The following GATA6 variants were observed in gnomAD, a reference collection of about 807,000 sequenced individuals.
The protein encoded by GATA6 is transcription factor GATA-6.
In GATA6, 11 loss-of-function variants were observed where a neutral mutation model predicts 48.1. That is an observed-to-expected ratio of 0.23 (90% CI 0.14 to 0.38). The LOEUF is 0.38. GATA6 is among the 10% of genes least tolerant of loss of function. GATA6 has a pLI of 1.00. For synonymous variants in GATA6, 419 were observed against 396.1 expected (o/e 1.06, Z -0.69); for missense variants, 795 against 850.3 (o/e 0.93, Z 0.81).
rs1293062000 is a variant in GATA6 at position 22,196,613 on chromosome 18, T to G, written c.1621-4043T>G. On this transcript the variant is annotated intron_variant, in intron 6 of 6. Transcript: ENST00000269216. ...AAAATTAGCTGGGCATGGTGGCACA[T>G]GCTTGTGGTCCCAGTTATTCGAGAG... Among the ~76,000 whole-genome samples, 3 of 152,184 alleles carry G rather than the reference T, an allele frequency of 2.0e-5. No individual in the cohort carries two copies. The East Asian group carries it at 5.8e-4, about 29-fold the overall frequency.
intron 4 of GATA6, 42 bp downstream of exon 4, chr18:22,181,620 C>T (rs772760319): frequency 6.2e-7 from 1 of 1,610,874 alleles, no homozygotes; most frequent in East Asian, 2.2e-5. Flanking sequence ...CATTTAGTAT[C>T]TGGTTTGTAT....
At position 22,202,054 on chromosome 18, in the gene GATA6, G is replaced by A. The variant is rs2033469790; in HGVS notation, c.*1231G>A. 1 of 152,156 alleles carries A rather than the reference G, an allele frequency of 6.6e-6. No individual in the cohort carries two copies. Among genetic ancestry groups the A allele is most frequent in the African/African-American group, 2.4e-5 (1 of 41,438 alleles). The allele number at this position is 152,156 out of a possible 1,614,324, so 9.4% of individuals were successfully genotyped here. On this transcript the variant is annotated 3_prime_UTR_variant, in exon 7 of 7. Coordinates refer to ENST00000269216, the MANE Select transcript of GATA6 (RefSeq NM_005257.6). ...GACTATAGATATTCATATAAAACAAGTGCACGTGAAGTTTGCAAAATGCTT... is the reference window on the plus strand; with the variant it reads ...GACTATAGATATTCATATAAAACAAATGCACGTGAAGTTTGCAAAATGCTT...
chr18:22,184,216 A>T (rs1168355577), intron 6 of GATA6, among the ~76,000 whole-genome samples: 1 of 152,220 alleles, frequency 6.6e-6, no homozygotes, highest in Admixed American at 6.5e-5. Flanking sequence ...AAATGTTTAA[A>T]CTGTGCTTAA....
rs768396712 is a variant in GATA6, at chr18:22,171,314, C to T, written c.170C>T (p.Ala57Val). 1 of 1,589,002 alleles carries T rather than the reference C, an allele frequency of 6.3e-7. No individual in the cohort carries two copies. The highest frequency in any genetic ancestry group is 8.5e-7 in the Non-Finnish European group (1 of 1,174,366). The change falls in exon 2 of 7, where the codon GCC (alanine) becomes GTC (valine). Residue 57 changes from alanine (A) to valine (V), a missense_variant. By Grantham distance (64) the Ala-to-Val change is moderately conservative (BLOSUM62 0). Transcript: ENST00000269216. This position sits in a 1 kb window ranked among gnomAD's most constrained non-coding sequence, Gnocchi z 7.1. The stretch of plus-strand genomic sequence containing the variant: ...GGCGGAGAGCGGGGCCCCGGCGGCG[C>T]CAGCAACTGCGGGACGCCTCAGCTC... Reference protein sequence around the residue: ...SRGGERGPGGASNCGTPQLDT... With the variant: ...SRGGERGPGGVSNCGTPQLDT...
At chr18:22,198,078 T>G (rs1474652383) in intron 6 of GATA6, among the ~76,000 whole-genome samples, 3 of 151,840 alleles carry the variant, frequency 2.0e-5, no homozygotes, top group Non-Finnish European at 4.4e-5. Flanking sequence ...TTCTTTCTTT[T>G]TTTTTTTTTA....
At chr18:22,193,874 T>A (rs938824012) in intron 6 of GATA6, among the ~76,000 whole-genome samples, 8 of 152,208 alleles carry the variant, frequency 5.3e-5, no homozygotes, top group Admixed American at 1.3e-4. Context: ...TGGAAAAGGC[T>A]ACGCCCTTTC....
In GATA6 at chr18:22,172,125, CCA is replaced by C; in HGVS notation, c.983_984del (p.His328ProfsTer134). ...TGAACGGGACGTACCACCACCACCA[CCA>C]CCACCACCACCACCATCCGAGCCCC... ...PLNGTYHHHH[H>X]HHHHHPSPYS... On this transcript the variant is annotated frameshift_variant, in exon 2 of 7. Transcript: ENST00000269216. LOFTEE classifies it high-confidence loss of function. The surrounding 1 kb of genome is among the most constrained non-coding windows in gnomAD (Gnocchi z 5.2). 1 of 1,519,548 alleles carries C rather than the reference CCA, an allele frequency of 6.6e-7. No homozygotes were observed. The highest frequency in any genetic ancestry group is 8.8e-7 in the Non-Finnish European group (1 of 1,139,438). 94.1% of individuals were successfully genotyped at this position (1,519,548 alleles called of 1,614,324 possible). A position where few individuals can be genotyped will look rare whatever the true frequency, so the allele number is the denominator to read the frequency against.
intron 6 of GATA6, among the ~76,000 whole-genome samples, chr18:22,184,228 A>T (rs1183020176): frequency 6.6e-6 from 1 of 152,200 alleles, no homozygotes; most frequent in Non-Finnish European, 1.5e-5. Flanking sequence ...TGTGCTTAAA[A>T]TTATATTTGA....
chr18:22,190,927 G>T (rs535766855), intron 6 of GATA6, among the ~76,000 whole-genome samples: 2 of 151,846 alleles, frequency 1.3e-5, no homozygotes, highest in East Asian at 3.9e-4. Context: ...TTGCGTGAAA[G>T]TCACACGTCA....
intron 2 of GATA6, among the ~76,000 whole-genome samples, chr18:22,173,686 T>C (rs2033085618): frequency 6.6e-6 from 1 of 152,222 alleles, no homozygotes; most frequent in Admixed American, 6.5e-5. Context: ...TTAGTTTTGC[T>C]CTGTCGCCCA....
At chr18:22,175,120 C>A (rs2033104921) in intron 2 of GATA6, among the ~76,000 whole-genome samples, 1 of 152,140 alleles carries the variant, frequency 6.6e-6, no homozygotes, top group Non-Finnish European at 1.5e-5. Context: ...GCTTTTATAT[C>A]TTACAGCTTT....
chr18:22,200,174 AGAGTGT>A lies in GATA6; in HGVS notation c.1621-480_1621-475del, dbSNP rs2033439979. Among the ~76,000 whole-genome samples, 6 of 114,096 alleles carry A rather than the reference AGAGTGT, an allele frequency of 5.3e-5. No homozygotes were observed. The South Asian group carries it at 1.9e-3, about 36-fold the overall frequency. 74.9% of individuals were successfully genotyped at this position (114,096 alleles called of 152,430 possible). ...TTGCCATCACTGGATAAGCCTTGTT[AGAGTGT>A]GTGTGTGTGTGTGTGTGTGTGCGCG... is the stretch of plus-strand genomic sequence containing the variant. On this transcript the variant is annotated intron_variant, in intron 6 of 6. Coordinates refer to ENST00000269216, the MANE Select transcript of GATA6 (RefSeq NM_005257.6).
At chr18:22,176,898 G>A (rs1840243797) in intron 2 of GATA6, 57 bp from the exon 3 acceptor site, 1 of 1,504,942 alleles carries the variant, frequency 6.6e-7, no homozygotes, top group Non-Finnish European at 8.8e-7. Flanking sequence ...GGGGTGACGC[G>A]GGGAGGGACG....
chr18:22,182,645 A>G (rs2033213069), intron 4 of GATA6, 112 bp from the exon 5 acceptor site: 2 of 765,340 alleles, frequency 2.6e-6, no homozygotes, highest in East Asian at 2.7e-5. Context: ...GGCGTGAGCC[A>G]CTGCACTCGG....
chr18:22,197,273 AC>A (rs200871434), intron 6 of GATA6, among the ~76,000 whole-genome samples: 6,843 of 150,958 alleles, frequency 0.045, 321 homozygotes, highest in African/African-American at 0.1. Flanking sequence ...CTGGTCTCAA[AC>A]TCCTGACCTA....
At chr18:22,178,383 C>T (rs973694530) in intron 3 of GATA6, among the ~76,000 whole-genome samples, 1 of 152,206 alleles carries the variant, frequency 6.6e-6, no homozygotes, top group African/African-American at 2.4e-5. Flanking sequence ...TAAAGGAAAG[C>T]TTTCACCAGT....
At chr18:22,195,023 G>A (rs1040316776) in intron 6 of GATA6, among the ~76,000 whole-genome samples, 44 of 152,058 alleles carry the variant, frequency 2.9e-4, no homozygotes, top group Non-Finnish European at 1.9e-4. Context: ...AAAATTAGCC[G>A]AGTGTAGTGG....
At position 22,172,230 on chromosome 18, in the gene GATA6, G is replaced by C. The variant is rs1312398826; in HGVS notation, c.1086G>C (p.Leu362=). 2 of 1,534,028 alleles carry C rather than the reference G, an allele frequency of 1.3e-6. No individual in the cohort carries two copies. The highest frequency in any genetic ancestry group is 3.9e-5 in the Admixed American group (2 of 50,946). Residue 362 remains leucine, a synonymous_variant, in exon 2 of 7, where the codon CTG becomes CTC. Coordinates refer to ENST00000269216, the MANE Select transcript of GATA6 (RefSeq NM_005257.6). This position sits in a 1 kb window ranked among gnomAD's most constrained non-coding sequence, Gnocchi z 5.2. Reference sequence around the variant, plus strand: ...TCGAGACCCCGGTGCTGCACAGCCTGCAGAGCCGCGCCGGAGCCCCGCTCC... The same window carrying C: ...TCGAGACCCCGGTGCTGCACAGCCTCCAGAGCCGCGCCGGAGCCCCGCTCC... ...GPFETPVLHS[L]QSRAGAPLPV... is the part of the protein sequence containing the mutation.
intron 6 of GATA6, among the ~76,000 whole-genome samples, chr18:22,199,827 C>G (rs951997542): frequency 2.1e-5 from 3 of 143,764 alleles, no homozygotes; most frequent in African/African-American, 7.9e-5. Context: ...CACTTGAACT[C>G]AGGAGATGGA....
Sources: allele counts gnomAD v4.1 joint callset (sites outside exome capture counted in the v4.1 genomes callset), GRCh38; gene constraint gnomAD v4.1.1; non-coding constraint Gnocchi (gnomAD v3.1); transcripts MANE v1.5; gene names NCBI Gene and HGNC (gene_info 2026-07-23, HGNC 2026-07-21).